ANO4: variants seen among roughly 807,000 people sequenced by gnomAD.
ANO4 encodes anoctamin-4.
A neutral mutation model predicts 141.9 loss-of-function variants in ANO4; 69 were observed. The observed-to-expected ratio is 0.49, with a 90% CI of 0.40 to 0.59. The LOEUF (loss-of-function observed/expected upper bound fraction) is 0.59, where lower values mean the gene tolerates loss of function less well. Among genes scored for constraint, ANO4 ranks in the 20% least tolerant of loss-of-function variants. ANO4 has a pLI of 0.00. For synonymous variants in ANO4, 350 were observed against 394.3 expected (o/e 0.89, Z 1.33); for missense variants, 894 against 1,162.2 (o/e 0.77, Z 3.36).
At chr12:100,843,541 C>T (rs561908368) in intron 1 of ANO4, among the ~76,000 whole-genome samples, 31 of 152,250 alleles carry the variant, frequency 2.0e-4, no homozygotes, top group Non-Finnish European at 3.4e-4. Flanking sequence ...GAATAAAGGG[C>T]CTTACCAATA....
chr12:100,728,270 G>A (rs952564208), intron 1 of ANO4, among the ~76,000 whole-genome samples: 10 of 152,066 alleles, frequency 6.6e-5, no homozygotes, highest in African/African-American at 9.7e-5. Context: ...TTATGAACAC[G>A]CCCCCAAATA....
intron 1 of ANO4, among the ~76,000 whole-genome samples, chr12:100,870,775 C>T (rs1257731460): frequency 6.6e-6 from 1 of 152,096 alleles, no homozygotes; most frequent in East Asian, 1.9e-4. Context: ...AAGGCAGGAA[C>T]TATTTTCTTA....
chr12:101,120,491 GA>G, intron 25 of ANO4, 28 bp from the exon 26 acceptor site: 1 of 1,569,340 alleles, frequency 6.4e-7, no homozygotes, highest in Non-Finnish European at 8.8e-7. Context: ...ATCATAGTTT[GA>G]ATGCAACATT....
chr12:100,893,711 C>T (rs576071875), intron 1 of ANO4, among the ~76,000 whole-genome samples: 1 of 152,222 alleles, frequency 6.6e-6, no homozygotes, highest in African/African-American at 2.4e-5. Flanking sequence ...GAAGTACTAA[C>T]AAGTCACATG....
rs149722714 is a variant in ANO4 at position 101,017,885 on chromosome 12, G to T, written c.735-2149G>T. Among the ~76,000 whole-genome samples, 172 of 152,294 alleles carry T rather than the reference G, an allele frequency of 1.1e-3. 1 individual carries two copies. Among genetic ancestry groups the T allele is most frequent in the African/African-American group, 4.0e-3 (165 of 41,538 alleles). ...GTGTATTCCTCTACAGAACCTCCAG[G>T]CTCCAGGTACAGCCTAGATGTAAGG... On this transcript the variant is annotated intron_variant, in intron 8 of 27. Coordinates refer to ENST00000392977, the MANE Select transcript of ANO4 (RefSeq NM_001286615.2).
chr12:101,103,181 TTTTATATA>T (rs59024420), intron 22 of ANO4, among the ~76,000 whole-genome samples: 2,480 of 90,528 alleles, frequency 0.027, 413 homozygotes, highest in African/African-American at 0.09. Flanking sequence ...TTTTTAGTCA[TTTTATATA>T]TATATATATA....
At chr12:100,730,566 G>A (rs779904709) in intron 1 of ANO4, among the ~76,000 whole-genome samples, 32 of 152,014 alleles carry the variant, frequency 2.1e-4, no homozygotes, top group Admixed American at 4.6e-4. Context: ...TAAAACCAAC[G>A]AACATTCATT....
At chr12:100,721,852 A>ATTTTTT (rs377385548) in intron 1 of ANO4, among the ~76,000 whole-genome samples, 4 of 133,496 alleles carry the variant, frequency 3.0e-5, no homozygotes, top group Non-Finnish European at 6.5e-5. Context: ...CTAACTTTTA[A>ATTTTTT]TTTTTTTTTT....
chr12:100,958,229 A>G lies in ANO4; in HGVS notation c.457-13077A>G, dbSNP rs189670436. 4.6e-5 allele frequency among the ~76,000 whole-genome samples: 7 copies of G among 152,326 alleles called. No homozygotes were observed. The South Asian group carries it at 1.2e-3, about 27-fold the overall frequency. On this transcript the variant is annotated intron_variant, in intron 5 of 27. Transcript: ENST00000392977. The stretch of plus-strand genomic sequence containing the variant: ...AAACATGCTGACTGGTTCACTTTAC[A>G]TCATGACCGCAGTCTCACACAGGTA...
chr12:100,997,048 C>G lies in ANO4; in HGVS notation c.734+9378C>G, dbSNP rs572731918. Among the ~76,000 whole-genome samples, 5 of 152,112 alleles carry G rather than the reference C, an allele frequency of 3.3e-5. 1 individual carries two copies. Among genetic ancestry groups the G allele is most frequent in the African/African-American group, 1.2e-4 (5 of 41,510 alleles). ...TAGATGAGTGAACAGAAAGAAGTGT[C>G]TTTTCAGCTGGGTGTGGTGGCTCAC... On this transcript the variant is annotated intron_variant, in intron 8 of 27. Coordinates refer to ENST00000392977, the MANE Select transcript of ANO4 (RefSeq NM_001286615.2).
intron 3 of ANO4, among the ~76,000 whole-genome samples, chr12:100,747,892 A>G (rs2032185480): frequency 6.6e-6 from 1 of 152,182 alleles, no homozygotes; most frequent in Non-Finnish European, 1.5e-5. Flanking sequence ...ACAAACAAAC[A>G]ATACTAATGA....
At chr12:100,841,471 T>A (rs1370479843) in intron 1 of ANO4, among the ~76,000 whole-genome samples, 1 of 152,136 alleles carries the variant, frequency 6.6e-6, no homozygotes, top group East Asian at 1.9e-4. Context: ...CAGAAACATC[T>A]CTTAGGTAGT....
chr12:100,975,333 A>G (rs1242690371), intron 7 of ANO4, among the ~76,000 whole-genome samples: 1 of 151,690 alleles, frequency 6.6e-6, no homozygotes, highest in Non-Finnish European at 1.5e-5. Context: ...AGCCCATTCT[A>G]TTAGATAAAT....
At chr12:100,901,511 A>G (rs774703709) in intron 1 of ANO4, 135 bp from the exon 2 acceptor site, 11 of 481,028 alleles carry the variant, frequency 2.3e-5, no homozygotes, top group Non-Finnish European at 3.7e-5. Context: ...AAGGATGTCT[A>G]CTTTTGAGTG....
Position 101,048,406 on chromosome 12 carries a change from G to A in ANO4, c.1312+5G>A. 1 of 1,613,192 alleles carries A rather than the reference G, an allele frequency of 6.2e-7. No homozygotes were observed. Among genetic ancestry groups the A allele is most frequent in the Non-Finnish European group, 8.5e-7 (1 of 1,179,304 alleles). ...CTGTTTTCATGGCAGTCTGGGGTAA[G>A]TGTTCTATAACCATAAAACTTGAGT... On this transcript the variant is annotated splice_donor_5th_base_variant and intron_variant, in intron 14 of 27. Coordinates refer to ENST00000392977, the MANE Select transcript of ANO4 (RefSeq NM_001286615.2).
chr12:101,118,867 C>G (rs1345900515), intron 25 of ANO4, among the ~76,000 whole-genome samples: 1 of 130,532 alleles, frequency 7.7e-6, no homozygotes, highest in African/African-American at 2.8e-5. Context: ...TCCCTCCCCC[C>G]TCCCCCCACC....
At chr12:100,789,058 G>A (rs1270756612) in intron 3 of ANO4, among the ~76,000 whole-genome samples, 1 of 152,118 alleles carries the variant, frequency 6.6e-6, no homozygotes, top group African/African-American at 2.4e-5. Context: ...TTGTAGATGT[G>A]ATAGAGCTGG....
rs113241621 is a variant in ANO4, at chr12:101,124,903, G to A, written c.2677-1976G>A. On this transcript the variant is annotated intron_variant, in intron 26 of 27. Coordinates refer to ENST00000392977, the MANE Select transcript of ANO4 (RefSeq NM_001286615.2). ...TTAGTATAATTTGAAGTTGGGTAGTGTGATGCTTCCAGCTTTGTTCTTTTT... is the reference window on the plus strand; with the variant it reads ...TTAGTATAATTTGAAGTTGGGTAGTATGATGCTTCCAGCTTTGTTCTTTTT... Among the ~76,000 whole-genome samples the A allele has an allele frequency of 6.9e-3, 1,044 of 152,266 alleles. 12 individuals are homozygous for A. The highest frequency in any genetic ancestry group is 0.024 in the African/African-American group (981 of 41,568).
intron 16 of ANO4, among the ~76,000 whole-genome samples, chr12:101,085,397 G>T (rs770253096): frequency 6.6e-6 from 1 of 152,124 alleles, no homozygotes; most frequent in Admixed American, 6.5e-5. Flanking sequence ...GTTAGTTGTA[G>T]CTGTACTGAA....
Sources: gnomAD v4.1 joint callset for allele counts (sites outside exome capture counted in the v4.1 genomes callset) on GRCh38, gnomAD v4.1.1 for gene constraint, MANE v1.5 for transcripts, NCBI Gene and HGNC (gene_info 2026-07-23, HGNC 2026-07-21) for gene names.